Variants in PRIM2 observed in about 807,000 individuals in gnomAD.
The protein encoded by PRIM2 is DNA primase large subunit.
A neutral mutation model predicts 67.3 loss-of-function variants in PRIM2; 39 were observed. That is an observed-to-expected ratio of 0.58 (90% CI 0.45 to 0.76). PRIM2 has a LOEUF of 0.76. Ranked by LOEUF, PRIM2 falls within the 30% of genes least tolerant of loss-of-function variation. The pLI is 0.00. For synonymous variants in PRIM2, 143 were observed against 198.7 expected, an observed-to-expected ratio of 0.72 and a Z score of 2.36; for missense variants, 398 against 598.7, an observed-to-expected ratio of 0.66 and a Z score of 3.50.
At chr6:57,434,768 C>T in intron 7 of PRIM2, among the ~76,000 whole-genome samples, 1 of 151,764 alleles carries the variant, frequency 6.6e-6, no homozygotes, top group Admixed American at 6.6e-5. Context: ...TGCTCTCTCT[C>T]TCTTTTTTAC....
In PRIM2 at chr6:57,447,475, A is replaced by G. The variant is rs532114728; in HGVS notation, c.694-59912A>G. 2.0e-5 allele frequency among the ~76,000 whole-genome samples: 3 copies of G among 152,364 alleles called. No individual in the cohort carries two copies. The South Asian group carries it at 6.2e-4, about 32-fold the overall frequency. ...TAAGCTATTCCTGAAGACGAGCCAA[A>G]TATGGGTAGTTGGAGAGGAAAAGGA... On this transcript the variant is annotated intron_variant, in intron 7 of 13. Coordinates refer to ENST00000615550, the MANE Select transcript of PRIM2 (RefSeq NM_000947.5).
At chr6:57,416,897 T>C (rs1376571964) in intron 7 of PRIM2, among the ~76,000 whole-genome samples, 1 of 152,176 alleles carries the variant, frequency 6.6e-6, no homozygotes, top group Non-Finnish European at 1.5e-5. Context: ...AATGGAATGT[T>C]GTGGTCCATC....
intron 8 of PRIM2, 55 bp downstream of exon 8, chr6:57,507,509 A>G: frequency 6.8e-7 from 1 of 1,466,040 alleles, no homozygotes; most frequent in Non-Finnish European, 9.1e-7. Flanking sequence ...AGTAAAGTGA[A>G]TAAAGTATAT....
intron 7 of PRIM2, among the ~76,000 whole-genome samples, chr6:57,445,075 CT>C (rs1449445754): frequency 1.3e-5 from 2 of 152,130 alleles, no homozygotes; most frequent in African/African-American, 4.8e-5. Context: ...ATTGATAATT[CT>C]GCTTTTTCCT....
At chr6:57,514,511 T>C (rs1463461714) in intron 8 of PRIM2, among the ~76,000 whole-genome samples, 7 of 152,204 alleles carry the variant, frequency 4.6e-5, no homozygotes, top group Non-Finnish European at 7.3e-5. Context: ...TCTCTGGCAG[T>C]ACCTTGAACA....
intron 9 of PRIM2, among the ~76,000 whole-genome samples, chr6:57,533,727 T>C (rs1774939214): frequency 1.3e-5 from 2 of 152,240 alleles, no homozygotes; most frequent in Non-Finnish European, 1.5e-5. Flanking sequence ...GTGAATTTCA[T>C]TGGATACTGT....
In PRIM2 at chr6:57,368,293, AC is replaced by A. The variant is rs527256451; in HGVS notation, c.460-11607del. 2.8e-3 allele frequency among the ~76,000 whole-genome samples: 433 copies of A among 152,186 alleles called. 2 individuals are homozygous for A. The highest frequency in any genetic ancestry group is 0.01 in the African/African-American group (418 of 41,504). ...AACCACTAATGGACCTTAAAAAAAA[AC>A]ATACAGCTCAGGGCTTCAGTCTGTA... On this transcript the variant is annotated intron_variant, in intron 5 of 13. Coordinates refer to ENST00000615550, the MANE Select transcript of PRIM2 (RefSeq NM_000947.5).
At chr6:57,327,877 A>G (rs1039174556) in intron 5 of PRIM2, among the ~76,000 whole-genome samples, 2 of 151,906 alleles carry the variant, frequency 1.3e-5, no homozygotes, top group Non-Finnish European at 2.9e-5. Flanking sequence ...AGGTCGGGGG[A>G]TGGGGAGGGG....
At chr6:57,436,303 A>G (rs1188423921) in intron 7 of PRIM2, among the ~76,000 whole-genome samples, 2 of 152,212 alleles carry the variant, frequency 1.3e-5, no homozygotes, top group East Asian at 1.9e-4. Flanking sequence ...AAACCACACC[A>G]TATCTTATAA....
chr6:57,627,792 A>G (rs1776978114), intron 12 of PRIM2, among the ~76,000 whole-genome samples: 1 of 152,230 alleles, frequency 6.6e-6, no homozygotes, highest in African/African-American at 2.4e-5. Context: ...TACTGGCATT[A>G]AAAACTAAGT....
chr6:57,264,891 CA>C, the PRIM2 span, among the ~76,000 whole-genome samples: 7 of 152,242 alleles, frequency 4.6e-5, no homozygotes, highest in East Asian at 9.7e-4. Context: ...TTAAAGGCGT[CA>C]AAAACTTTTA....
chr6:57,567,754 T>TAATC (rs1446701762), intron 10 of PRIM2, among the ~76,000 whole-genome samples: 3 of 152,178 alleles, frequency 2.0e-5, no homozygotes, highest in African/African-American at 7.2e-5. Flanking sequence ...ATTGTGTTTA[T>TAATC]AATCACATCT....
chr6:57,376,530 G>T (rs1769770792), intron 5 of PRIM2, among the ~76,000 whole-genome samples: 1 of 151,740 alleles, frequency 6.6e-6, no homozygotes, highest in African/African-American at 2.4e-5. Context: ...GGCTGTTCTT[G>T]GCCCTTTGCA....
intron 10 of PRIM2, among the ~76,000 whole-genome samples, chr6:57,563,580 A>T (rs1775680443): frequency 6.6e-6 from 1 of 152,228 alleles, no homozygotes; most frequent in Non-Finnish European, 1.5e-5. Context: ...TTGTACTTTA[A>T]AAAGGGAAGT....
the PRIM2 span, among the ~76,000 whole-genome samples, chr6:57,269,712 C>A: frequency 2.6e-5 from 4 of 152,042 alleles, no homozygotes; most frequent in Admixed American, 2.6e-4. Context: ...GCCCATGCCT[C>A]TGTCCTGAAT....
intron 12 of PRIM2, among the ~76,000 whole-genome samples, chr6:57,629,682 T>C (rs1777010913): frequency 1.3e-5 from 2 of 150,528 alleles, no homozygotes; most frequent in African/African-American, 4.9e-5. Context: ...GCTCCCTGTT[T>C]CTACCTCTCT....
At chr6:57,555,171 A>G (rs1163311311) in intron 10 of PRIM2, among the ~76,000 whole-genome samples, 2 of 152,252 alleles carry the variant, frequency 1.3e-5, no homozygotes, top group African/African-American at 4.8e-5. Flanking sequence ...GATTTAAAGT[A>G]AACTTGCTAT....
chr6:57,533,978 G>GT (rs1479206266), intron 9 of PRIM2, among the ~76,000 whole-genome samples: 4 of 152,198 alleles, frequency 2.6e-5, no homozygotes, highest in Non-Finnish European at 5.9e-5. Context: ...TAATACAGAT[G>GT]TATCTTTTTC....
At chr6:57,563,083 G>T (rs1775669650) in intron 10 of PRIM2, among the ~76,000 whole-genome samples, 1 of 152,030 alleles carries the variant, frequency 6.6e-6, no homozygotes, top group African/African-American at 2.4e-5. Context: ...AGAATTTCAT[G>T]TCCCACGTCT....
Sources: allele counts gnomAD v4.1 joint callset (sites outside exome capture counted in the v4.1 genomes callset), GRCh38; gene constraint gnomAD v4.1.1; transcripts MANE v1.5; gene names NCBI Gene and HGNC (gene_info 2026-07-23, HGNC 2026-07-21).